Variants in EGFR observed in about 807,000 individuals in gnomAD.
EGFR encodes avian erythroblastic leukemia viral (v-erb-b) oncogene homolog.
EGFR carries 58 observed loss-of-function variants against 143.0 expected under a neutral mutation model. The observed-to-expected ratio is 0.41, with a 90% confidence interval of 0.33 to 0.50. The LOEUF (loss-of-function observed/expected upper bound fraction) is 0.50. Among genes scored for constraint, EGFR ranks in the 20% least tolerant of loss-of-function variants. EGFR has a pLI of 0.39. For missense variants in EGFR, 1,307 were observed against 1,579.0 expected (o/e 0.83, Z 2.92); for synonymous variants, 613 against 594.4 (o/e 1.03, Z -0.45).
rs6959843 is a variant in EGFR at position 55,132,464 on chromosome 7, A to T, written c.89-9822A>T. Among the ~76,000 whole-genome samples the T allele has an allele frequency of 5.4e-3, 826 of 152,214 alleles. 9 individuals carry two copies. The highest frequency in any genetic ancestry group is 0.019 in the African/African-American group (799 of 41,532). ...TCGAATCCAGAGGATGGGAAGGCAT[A>T]AAAAAAAGAAATGGAAGAAACTTTA... On this transcript the variant is annotated intron_variant, in intron 1 of 27. Transcript: ENST00000275493.
In EGFR at chr7:55,174,710, T is replaced by A. The variant is rs1786513008; in HGVS notation, c.2185-12T>A. 6.2e-7 allele frequency: 1 copy of A among 1,608,842 alleles called. No homozygotes were observed. The highest frequency in any genetic ancestry group is 1.7e-5 in the Admixed American group (1 of 59,984). On this transcript the variant is annotated splice_polypyrimidine_tract_variant and intron_variant, in intron 18 of 27. Coordinates refer to ENST00000275493, the MANE Select transcript of EGFR (RefSeq NM_005228.5). ...ATTGCCAGTTAACGTCTTCCTTCTCTCTCTGTCATAGGGACTCTGGATCCC... is the reference window on the plus strand; with the variant it reads ...ATTGCCAGTTAACGTCTTCCTTCTCACTCTGTCATAGGGACTCTGGATCCC...
intron 4 of EGFR, among the ~76,000 whole-genome samples, chr7:55,147,338 C>A (rs1584154471): frequency 6.6e-6 from 1 of 152,258 alleles, no homozygotes; most frequent in African/African-American, 2.4e-5. Context: ...CAGGCCAGCA[C>A]TGATGGGGGA....
At chr7:55,190,644 G>C (rs556404121) in intron 20 of EGFR, among the ~76,000 whole-genome samples, 1 of 152,156 alleles carries the variant, frequency 6.6e-6, no homozygotes, top group Non-Finnish European at 1.5e-5. Flanking sequence ...ATGCCTGTTT[G>C]TTTCTGTTTG....
chr7:55,023,946 C>CTA (rs1312066292), intron 1 of EGFR, among the ~76,000 whole-genome samples: 3 of 152,140 alleles, frequency 2.0e-5, no homozygotes, highest in African/African-American at 7.2e-5. Context: ...GACGACATCT[C>CTA]TAGATTGTCC....
At chr7:55,203,523 A>G (rs1205686240) in intron 27 of EGFR, among the ~76,000 whole-genome samples, 1 of 149,810 alleles carries the variant, frequency 6.7e-6, no homozygotes, top group Non-Finnish European at 1.5e-5. Context: ...ACCATTACAT[A>G]CACACGTACA....
intron 22 of EGFR, 36 bp downstream of exon 22, chr7:55,192,877 G>A (rs2128965682): frequency 1.3e-6 from 2 of 1,590,630 alleles, no homozygotes; most frequent in Middle Eastern, 3.3e-4. Flanking sequence ...AGTTTGTACT[G>A]AGGCCAAGCT....
In EGFR at chr7:55,209,310, A is replaced by G. The variant is rs1306907664; in HGVS notation, c.*3693A>G. 1 of 152,198 alleles carries G rather than the reference A, an allele frequency of 6.6e-6. No individual in the cohort carries two copies. The highest frequency in any genetic ancestry group is 2.1e-4 in the South Asian group (1 of 4,828). The allele number at this position is 152,198 out of a possible 1,614,324, so 9.4% of individuals were successfully genotyped here. A position where few individuals can be genotyped will look rare whatever the true frequency, so the allele number is the denominator to read the frequency against. On this transcript the variant is annotated 3_prime_UTR_variant, in exon 28 of 28. Coordinates refer to ENST00000275493, the MANE Select transcript of EGFR (RefSeq NM_005228.5). Reference sequence around the variant, plus strand: ...GGGTAGGGTAGAGATTCCCATGTGCAGTGGAGAGAACAATCTGCAGTCACT... The same window carrying G: ...GGGTAGGGTAGAGATTCCCATGTGCGGTGGAGAGAACAATCTGCAGTCACT...
At chr7:55,151,506 A>C (rs777089517) in intron 5 of EGFR, 144 bp downstream of exon 5, 3 of 880,954 alleles carry the variant, frequency 3.4e-6, no homozygotes, top group Non-Finnish European at 5.5e-6. Flanking sequence ...GGTGAAGGAC[A>C]GTCTTGCAAA....
chr7:55,108,308 C>T lies in EGFR; in HGVS notation c.89-33978C>T, dbSNP rs147339454. Among the ~76,000 whole-genome samples, 15 of 152,336 alleles carry T rather than the reference C, an allele frequency of 9.8e-5. No individual in the cohort carries two copies. The South Asian group carries it at 1.7e-3, about 17-fold the overall frequency. On this transcript the variant is annotated intron_variant, in intron 1 of 27. Transcript: ENST00000275493. ...TCATGTTCGGAACTGTCCATGTTCACGCACAGGGGCCGTATCACTCCGCCA... is the reference window on the plus strand; with the variant it reads ...TCATGTTCGGAACTGTCCATGTTCATGCACAGGGGCCGTATCACTCCGCCA...
intron 1 of EGFR, among the ~76,000 whole-genome samples, chr7:55,121,919 G>C (rs765268441): frequency 6.6e-6 from 1 of 152,216 alleles, no homozygotes; most frequent in African/African-American, 2.4e-5. Flanking sequence ...GCAGTTCCCT[G>C]CTGCCCAGTT....
intron 1 of EGFR, among the ~76,000 whole-genome samples, chr7:55,065,149 T>G (rs1252678418): frequency 1.3e-5 from 2 of 152,210 alleles, no homozygotes; most frequent in Admixed American, 6.5e-5. Context: ...GAGAGCCAGA[T>G]GAAGATTCCT....
intron 1 of EGFR, among the ~76,000 whole-genome samples, chr7:55,046,068 T>TA (rs1220308066): frequency 1.3e-5 from 2 of 152,250 alleles, no homozygotes; most frequent in African/African-American, 4.8e-5. Flanking sequence ...TTAGTGTGGC[T>TA]ACTCAAAAAT....
intron 1 of EGFR, among the ~76,000 whole-genome samples, chr7:55,062,412 C>T (rs1247956517): frequency 1.3e-5 from 2 of 152,220 alleles, no homozygotes; most frequent in Non-Finnish European, 2.9e-5. Context: ...ACTCCCGACC[C>T]CCATGTACCC....
chr7:55,170,221 G>C, intron 15 of EGFR: 1 of 1,610,244 alleles, frequency 6.2e-7, no homozygotes. Context: ...AGCAGAGATA[G>C]AAACTGTTAG....
chr7:55,172,826 C>G (rs1310595305), intron 16 of EGFR, 157 bp from the exon 17 acceptor site: 1 of 1,556,956 alleles, frequency 6.4e-7, no homozygotes, highest in Non-Finnish European at 8.6e-7. Flanking sequence ...GCCTTAGAAG[C>G]CTGTTTTTTC....
At chr7:55,125,195 T>C (rs1398637935) in intron 1 of EGFR, among the ~76,000 whole-genome samples, 1 of 152,238 alleles carries the variant, frequency 6.6e-6, no homozygotes, top group East Asian at 1.9e-4. Flanking sequence ...TAATGGGCCC[T>C]TCTCCACATG....
intron 1 of EGFR, among the ~76,000 whole-genome samples, chr7:55,033,295 GGT>G (rs1787368854): frequency 6.6e-6 from 1 of 152,158 alleles, no homozygotes; most frequent in Non-Finnish European, 1.5e-5. Flanking sequence ...CCTGCCTTGT[GGT>G]GTTTTTTGTT....
At position 55,143,204 on chromosome 7, in the gene EGFR, G is replaced by A. The variant is rs529657554; in HGVS notation, c.241-101G>A. On this transcript the variant is annotated intron_variant, in intron 2 of 27. Transcript: ENST00000275493. ...AGTTGTTGAGCACTCGTGTGCATTA[G>A]GGTTCAACTGGGCGTCCTAGGGCTC... is the stretch of plus-strand genomic sequence containing the variant. 2.4e-5 allele frequency: 29 copies of A among 1,208,086 alleles called. 1 individual carries two copies. In the South Asian group the frequency reaches 2.8e-4, roughly 11 times the overall value. 74.8% of individuals were successfully genotyped at this position (1,208,086 alleles called of 1,614,324 possible).
At chr7:55,034,364 G>T (rs1190757169) in intron 1 of EGFR, among the ~76,000 whole-genome samples, 1 of 152,168 alleles carries the variant, frequency 6.6e-6, no homozygotes, top group African/African-American at 2.4e-5. Context: ...CCCCTGAGTA[G>T]CTGGGACTAC....
Sources: allele counts gnomAD v4.1 joint callset (sites outside exome capture counted in the v4.1 genomes callset), GRCh38; gene constraint gnomAD v4.1.1; transcripts MANE v1.5; gene names NCBI Gene and HGNC (gene_info 2026-07-23, HGNC 2026-07-21).